Variants in RABGAP1L observed in about 807,000 individuals in gnomAD.
RABGAP1L encodes rab GTPase-activating protein 1-like.
In RABGAP1L, 63 loss-of-function variants were observed where a neutral mutation model predicts 137.7. That is an observed-to-expected ratio of 0.46 (90% CI 0.37 to 0.56). The LOEUF is 0.56. Ranked by LOEUF, RABGAP1L falls within the 20% of genes least tolerant of loss-of-function variation. RABGAP1L has a pLI of 0.00. For missense variants in RABGAP1L, 1,095 were observed against 1,244.0 expected, an observed-to-expected ratio of 0.88 and a Z score of 1.80; for synonymous variants, 431 against 433.7, an observed-to-expected ratio of 0.99 and a Z score of 0.08.
intron 19 of RABGAP1L, among the ~76,000 whole-genome samples, chr1:174,842,260 T>C (rs942513651): frequency 6.6e-6 from 1 of 152,202 alleles, no homozygotes; most frequent in African/African-American, 2.4e-5. Context: ...TCCAGGGGCA[T>C]CTCTGGGAAG....
chr1:174,230,387 T>TA (rs1381537527), intron 3 of RABGAP1L, among the ~76,000 whole-genome samples: 2 of 151,914 alleles, frequency 1.3e-5, no homozygotes, highest in African/African-American at 4.8e-5. Context: ...CCCTAAAACT[T>TA]AAAGTATAGT....
intron 18 of RABGAP1L, among the ~76,000 whole-genome samples, chr1:174,767,988 G>A (rs776572071): frequency 6.6e-6 from 1 of 152,098 alleles, no homozygotes; most frequent in Non-Finnish European, 1.5e-5. Context: ...AGAACAGTAT[G>A]GAGGAAACCA....
At chr1:174,493,803 G>C (rs1660487869) in intron 13 of RABGAP1L, among the ~76,000 whole-genome samples, 1 of 148,088 alleles carries the variant, frequency 6.8e-6, no homozygotes, top group Non-Finnish European at 1.5e-5. Context: ...CCTGGGAAAT[G>C]GGAGTGAGAC....
intron 17 of RABGAP1L, among the ~76,000 whole-genome samples, chr1:174,734,954 CTTTTTTTTTTTT>C (rs756783714): frequency 1.0e-5 from 1 of 96,116 alleles, no homozygotes; most frequent in Admixed American, 1.1e-4. Context: ...GGATCTCTCT[CTTTTTTTTTTTT>C]TTTTTTTTTT....
chr1:174,781,319 A>G (rs915297245), intron 18 of RABGAP1L, among the ~76,000 whole-genome samples: 1 of 152,224 alleles, frequency 6.6e-6, no homozygotes. Flanking sequence ...TCTGATGGCC[A>G]GTGATGATGA....
chr1:174,259,345 G>A (rs181025673), intron 7 of RABGAP1L, among the ~76,000 whole-genome samples: 1 of 152,224 alleles, frequency 6.6e-6, no homozygotes. Context: ...ACTGTTCTAG[G>A]TGGTATTTCT....
intron 19 of RABGAP1L, among the ~76,000 whole-genome samples, chr1:174,846,788 C>A (rs1458442929): frequency 1.4e-5 from 1 of 72,804 alleles, no homozygotes; most frequent in African/African-American, 3.4e-5. Flanking sequence ...TCCTTGTTGA[C>A]TTTCTGTCTC....
At chr1:174,608,091 G>A (rs1035985115) in intron 13 of RABGAP1L, among the ~76,000 whole-genome samples, 2 of 152,174 alleles carry the variant, frequency 1.3e-5, no homozygotes, top group African/African-American at 2.4e-5. Flanking sequence ...ACAGCTCAAA[G>A]CATTTCGCAG....
intron 19 of RABGAP1L, among the ~76,000 whole-genome samples, chr1:174,818,008 A>G (rs1690613118): frequency 1.3e-5 from 2 of 152,228 alleles, no homozygotes; most frequent in South Asian, 4.1e-4. Flanking sequence ...AAAGATAATG[A>G]GTTAACTTTT....
At chr1:174,618,260 T>G (rs1557908520) in intron 13 of RABGAP1L, among the ~76,000 whole-genome samples, 1 of 152,166 alleles carries the variant, frequency 6.6e-6, no homozygotes, top group African/African-American at 2.4e-5. Context: ...TCAGCAGACT[T>G]AAATGTCCCT....
chr1:174,637,475 A>G lies in RABGAP1L; in HGVS notation c.1811A>G (p.Tyr604Cys), dbSNP rs748485193. 8.1e-6 allele frequency: 13 copies of G among 1,600,952 alleles called. No individual in the cohort carries two copies. Among genetic ancestry groups the G allele is most frequent in the Admixed American group, 6.7e-5 (4 of 59,970 alleles). ...GGAGGAGATGGTCAAGAATCGCTCTATAAGATCTGCAAGGTAGGACTCTCT... is the reference window on the plus strand; with the variant it reads ...GGAGGAGATGGTCAAGAATCGCTCTGTAAGATCTGCAAGGTAGGACTCTCT... ...DTGGDGQESL[Y>C]KICKAYSVYD... The change falls in exon 14 of 26, where the codon TAT (tyrosine) becomes TGT (cysteine). Residue 604 changes from tyrosine to cysteine, a missense_variant. Tyr to Cys is a radical substitution (Grantham distance 194, BLOSUM62 -2). This residue lies in a region of RABGAP1L where 315 missense variants were observed against 324.8 expected (regional missense o/e 0.97). Transcript: ENST00000681986.
chr1:174,433,141 G>T (rs1652841486), intron 13 of RABGAP1L, among the ~76,000 whole-genome samples: 1 of 152,128 alleles, frequency 6.6e-6, no homozygotes, highest in African/African-American at 2.4e-5. Context: ...TGAGATACAT[G>T]GAGAGAAAGA....
At chr1:174,548,972 A>G (rs1666233167) in intron 13 of RABGAP1L, among the ~76,000 whole-genome samples, 1 of 152,212 alleles carries the variant, frequency 6.6e-6, no homozygotes, top group African/African-American at 2.4e-5. Context: ...GAAGATTTAA[A>G]AATTTAGTGG....
intron 13 of RABGAP1L, among the ~76,000 whole-genome samples, chr1:174,442,924 A>G (rs1449707095): frequency 6.6e-6 from 1 of 152,068 alleles, no homozygotes; most frequent in Non-Finnish European, 1.5e-5. Context: ...CTACTTCAAT[A>G]AGATCAACTT....
intron 17 of RABGAP1L, among the ~76,000 whole-genome samples, chr1:174,713,483 C>T (rs1294549385): frequency 2.0e-5 from 3 of 152,112 alleles, no homozygotes; most frequent in Non-Finnish European, 4.4e-5. Context: ...AGCACCATCC[C>T]CTTGGCAATG....
At chr1:174,444,713 T>C (rs1228301097) in intron 13 of RABGAP1L, among the ~76,000 whole-genome samples, 1 of 152,144 alleles carries the variant, frequency 6.6e-6, no homozygotes, top group Non-Finnish European at 1.5e-5. Flanking sequence ...TTCTAGGTTT[T>C]CCAGTTTGTT....
intron 17 of RABGAP1L, among the ~76,000 whole-genome samples, chr1:174,742,133 AAAG>A (rs1304768444): frequency 9.0e-6 from 1 of 111,536 alleles, no homozygotes; most frequent in African/African-American, 3.7e-5. Flanking sequence ...GAGGAGGAAG[AAAG>A]AAGAAGAGGA....
intron 13 of RABGAP1L, among the ~76,000 whole-genome samples, chr1:174,469,153 A>G (rs913202563): frequency 2.0e-5 from 3 of 152,210 alleles, no homozygotes; most frequent in South Asian, 2.1e-4. Flanking sequence ...TGTCTTATCA[A>G]TTGCTAAGGG....
intron 19 of RABGAP1L, among the ~76,000 whole-genome samples, chr1:174,932,319 C>T (rs1165478065): frequency 3.3e-5 from 5 of 151,700 alleles, no homozygotes; most frequent in Non-Finnish European, 7.4e-5. Flanking sequence ...TAGTCACCCT[C>T]AGCCTGGAAT....
Sources: gnomAD v4.1 joint callset for allele counts (sites outside exome capture counted in the v4.1 genomes callset) on GRCh38, gnomAD v4.1.1 for gene constraint, gnomAD v4.1.1 regional missense constraint, MANE v1.5 for transcripts, NCBI Gene and HGNC (gene_info 2026-07-23, HGNC 2026-07-21) for gene names.